The following DICER1 variants were observed in gnomAD, a reference collection of about 807,000 sequenced individuals.
DICER1 encodes the protein dicer 1, ribonuclease III.
DICER1 carries 43 observed loss-of-function variants against 194.1 expected under a neutral mutation model. The observed-to-expected ratio is 0.22, with a 90% confidence interval of 0.17 to 0.29. DICER1 has a LOEUF of 0.29. DICER1 is among the 10% of genes least tolerant of loss of function. The pLI, the probability that DICER1 is intolerant of heterozygous loss-of-function variation, is 1.00. For synonymous variants in DICER1, 832 were observed against 820.5 expected (o/e 1.01, Z -0.24); for missense variants, 1,608 against 2,317.0 (o/e 0.69, Z 6.28).
intron 15 of DICER1, 54 bp from the exon 16 acceptor site, chr14:95,108,147 A>T (rs2140027810): frequency 7.0e-7 from 1 of 1,432,370 alleles, no homozygotes; most frequent in Non-Finnish European, 9.8e-7. Flanking sequence ...ATTTTATTCC[A>T]TTACAGTTAA....
chr14:95,133,229 T>C lies in DICER1; in HGVS notation c.144+86A>G, dbSNP rs774555343. 6.7e-5 allele frequency: 96 copies of C among 1,436,776 alleles called. No homozygotes were observed. The Middle Eastern group carries it at 1.6e-3, about 24-fold the overall frequency. The allele number at this position is 1,436,776 out of a possible 1,614,324, so 89.0% of individuals were successfully genotyped here. ...GAAGTGGGAGGCCTGAAAGGGTAAATGAGTTTTATATAAGTTGTGTCAACT... is the reference window on the plus strand; with the variant it reads ...GAAGTGGGAGGCCTGAAAGGGTAAACGAGTTTTATATAAGTTGTGTCAACT... On this transcript the variant is annotated intron_variant, in intron 2 of 26. Transcript: ENST00000343455.
Position 95,124,943 on chromosome 14 carries a change from TG to T in DICER1, c.904-276del, listed in dbSNP as rs1893281343. Among the ~76,000 whole-genome samples, 1 of 152,252 alleles carries T rather than the reference TG, an allele frequency of 6.6e-6. No individual in the cohort carries two copies. Among genetic ancestry groups the T allele is most frequent in the South Asian group, 2.1e-4 (1 of 4,830 alleles). ...GGTTAATGAAGCTTATTTTTAGATC[TG>T]TAATTAGTTAAAACTATACCTGAGT... On this transcript the variant is annotated intron_variant, in intron 7 of 26. Transcript: ENST00000343455. This position sits in a 1 kb window ranked among gnomAD's most constrained non-coding sequence, Gnocchi z 4.5.
intron 15 of DICER1, 59 bp from the exon 16 acceptor site, chr14:95,108,152 A>C (rs562014321): frequency 7.2e-7 from 1 of 1,397,572 alleles, no homozygotes; most frequent in African/African-American, 1.4e-5. Context: ...ATTCCATTAC[A>C]GTTAACTTCA....
intron 1 of DICER1, among the ~76,000 whole-genome samples, chr14:95,154,088 C>T (rs983948993): frequency 2.6e-5 from 4 of 152,182 alleles, no homozygotes; most frequent in African/African-American, 9.7e-5. Context: ...AAAGACCTCA[C>T]CAATATCTTC....
chr14:95,130,775 G>C (rs1328049641), intron 4 of DICER1, among the ~76,000 whole-genome samples: 9 of 152,146 alleles, frequency 5.9e-5, no homozygotes, highest in African/African-American at 1.9e-4. Context: ...AAACATGTAA[G>C]TTAGAGGAGC....
At chr14:95,146,127 G>C (rs1895117767) in intron 1 of DICER1, among the ~76,000 whole-genome samples, 1 of 152,238 alleles carries the variant, frequency 6.6e-6, no homozygotes, top group African/African-American at 2.4e-5. Flanking sequence ...GCAGACAGGG[G>C]TAGGTCCCCA....
At chr14:95,133,276 T>C (rs751462769) in intron 2 of DICER1, 39 bp downstream of exon 2, 2 of 1,609,426 alleles carry the variant, frequency 1.2e-6, no homozygotes, top group East Asian at 4.5e-5. Flanking sequence ...TATTCCATTT[T>C]AGTGTAGAAT....
chr14:95,111,607 C>A, intron 13 of DICER1, 151 bp from the exon 14 acceptor site: 1 of 846,422 alleles, frequency 1.2e-6, no homozygotes. Flanking sequence ...ATCAGATTCA[C>A]ACTTCAGGCA....
chr14:95,153,961 C>T (rs1203670686), intron 1 of DICER1, among the ~76,000 whole-genome samples: 3 of 152,176 alleles, frequency 2.0e-5, no homozygotes, highest in Non-Finnish European at 2.9e-5. Flanking sequence ...TGAATAAGAG[C>T]GAGTATAATA....
Position 95,126,894 on chromosome 14 carries a change from T to C in DICER1, c.735-146A>G, listed in dbSNP as rs940110368. ...AGAATGTTAGCAGTGGGGTGAGATT[T>C]TAGGTGTTTAATTATTATTTTTCTA... On this transcript the variant is annotated intron_variant, in intron 6 of 26. Coordinates refer to ENST00000343455, the MANE Select transcript of DICER1 (RefSeq NM_177438.3). 3 of 614,570 alleles carry C rather than the reference T, an allele frequency of 4.9e-6. No homozygotes were observed. In the African/African-American group the frequency reaches 5.6e-5, roughly 11 times the overall value. 38.1% of individuals were successfully genotyped at this position (614,570 alleles called of 1,614,324 possible). A position where few individuals can be genotyped will look rare whatever the true frequency, so the allele number is the denominator to read the frequency against.
In DICER1 at chr14:95,105,849, CA is replaced by C; in HGVS notation, c.2988-67del. On this transcript the variant is annotated intron_variant, in intron 18 of 26. Transcript: ENST00000343455. This position sits in a 1 kb window ranked among gnomAD's most constrained non-coding sequence, Gnocchi z 4.9. ...TGAGTACATATTCACAGTGGTTCTC[CA>C]AAAACCACCTGAAGAGCTCATTTCA... The C allele has an allele frequency of 1.4e-6, 2 of 1,472,854 alleles. No homozygotes were observed. The highest frequency in any genetic ancestry group is 1.4e-5 in the African/African-American group (1 of 71,736). 91.2% of individuals were successfully genotyped at this position (1,472,854 alleles called of 1,614,324 possible).
intron 1 of DICER1, among the ~76,000 whole-genome samples, chr14:95,138,370 T>C (rs905990968): frequency 1.8e-4 from 27 of 151,216 alleles, no homozygotes; most frequent in African/African-American, 6.3e-4. Flanking sequence ...TATCAACATT[T>C]AGGCTCTAAA....
rs1453503066 is a variant in DICER1 at position 95,105,696 on chromosome 14, T to C, written c.3075A>G (p.Glu1025=). The change falls in exon 19 of 27, where the codon GAA becomes GAG. Residue 1025 remains glutamate (E), a synonymous_variant. Transcript: ENST00000343455. The surrounding 1 kb of genome is among the most constrained non-coding windows in gnomAD (Gnocchi z 4.9). Reference sequence around the variant, plus strand: ...TCATTACCTGTTTATTCTGCAGACTTTCCCATTTGGCTTTCCTCTTCTCAG... The same window carrying C: ...TCATTACCTGTTTATTCTGCAGACTCTCCCATTTGGCTTTCCTCTTCTCAG... The part of the protein sequence containing the change: ...SSAEKRKAKW[E]SLQNKQILVP... 6.2e-7 allele frequency: 1 copy of C among 1,613,110 alleles called. No homozygotes were observed.
intron 21 of DICER1, 39 bp downstream of exon 21, chr14:95,103,307 G>C (rs769571830): frequency 6.3e-7 from 1 of 1,598,400 alleles, no homozygotes; most frequent in Non-Finnish European, 8.6e-7. Context: ...CAGGCACACT[G>C]AATAATTAAC....
chr14:95,099,504 G>A (rs1479407407), intron 22 of DICER1, among the ~76,000 whole-genome samples: 4 of 151,724 alleles, frequency 2.6e-5, no homozygotes, highest in Admixed American at 2.6e-4. Context: ...AAAACTCAAA[G>A]TCAAAACATC....
intron 6 of DICER1, among the ~76,000 whole-genome samples, chr14:95,127,825 GT>G (rs1457123821): frequency 2.0e-5 from 3 of 152,268 alleles, no homozygotes; most frequent in East Asian, 1.9e-4. Flanking sequence ...GTTTTCTTTT[GT>G]TTTTTAGGTT....
At chr14:95,109,119 A>G (rs1466440452) in intron 14 of DICER1, among the ~76,000 whole-genome samples, 1 of 152,188 alleles carries the variant, frequency 6.6e-6, no homozygotes, top group Non-Finnish European at 1.5e-5. Context: ...CCGTTACTGT[A>G]AAGAGAATAT....
chr14:95,149,080 T>A (rs1175001653), intron 1 of DICER1, among the ~76,000 whole-genome samples: 1 of 152,120 alleles, frequency 6.6e-6, no homozygotes, highest in Non-Finnish European at 1.5e-5. Flanking sequence ...CATACTTTAC[T>A]CTTAACACTG....
intron 22 of DICER1, among the ~76,000 whole-genome samples, chr14:95,097,640 T>C (rs28634527): frequency 0.011 from 1,622 of 152,266 alleles, 26 homozygotes; most frequent in African/African-American, 0.038. Flanking sequence ...ACCAAAAAAC[T>C]TGTGAAGGGG....
Sources: gnomAD v4.1 joint callset for allele counts (sites outside exome capture counted in the v4.1 genomes callset) on GRCh38, gnomAD v4.1.1 for gene constraint, Gnocchi (gnomAD v3.1) non-coding constraint, MANE v1.5 for transcripts, NCBI Gene and HGNC (gene_info 2026-07-23, HGNC 2026-07-21) for gene names.